Variants in TINAG observed in about 807,000 individuals in gnomAD.
The protein encoded by TINAG is tubulointerstitial nephritis antigen.
Under a neutral mutation model 72.7 loss-of-function variants are expected in TINAG, and 83 were observed. That is an observed-to-expected ratio of 1.14 (90% CI 0.96 to 1.37). The LOEUF is 1.37. TINAG is among the 40% of genes most tolerant of loss of function. The pLI, the probability that TINAG is intolerant of heterozygous loss-of-function variation, is 0.00. For synonymous variants in TINAG, 234 were observed against 189.9 expected (o/e 1.23, Z -1.91); for missense variants, 685 against 576.6 (o/e 1.19, Z -1.93).
chr6:54,371,733 A>G (rs1200307003), intron 9 of TINAG, among the ~76,000 whole-genome samples: 1 of 152,002 alleles, frequency 6.6e-6, no homozygotes, highest in Non-Finnish European at 1.5e-5. Flanking sequence ...TGTTTAAGAA[A>G]GACACATAAG....
At chr6:54,327,279 C>G (rs1167672210) in intron 4 of TINAG, 1 of 1,226,166 alleles carries the variant, frequency 8.2e-7, no homozygotes, top group Non-Finnish European at 1.1e-6. Context: ...ACTGGTTAGA[C>G]AGTGGGTGCA....
Position 54,343,304 on chromosome 6 carries a change from T to C in TINAG, c.703T>C (p.Leu235=). 2.5e-6 allele frequency: 4 copies of C among 1,570,362 alleles called. No homozygotes were observed. Among genetic ancestry groups the C allele is most frequent in the East Asian group, 2.3e-5 (1 of 43,226 alleles). The change falls in exon 5 of 11, where the codon TTG becomes CTG. Residue 235 remains leucine (L), a synonymous_variant. Coordinates refer to ENST00000259782, the MANE Select transcript of TINAG (RefSeq NM_014464.4). ...ATGGCCTGGATGGACTCATGGCCCATTGGATCAAAAAAATTGTGCTGCATC... is the reference window on the plus strand; with the variant it reads ...ATGGCCTGGATGGACTCATGGCCCACTGGATCAAAAAAATTGTGCTGCATC... ...YKWPGWTHGP[L]DQKNCAASWA... is the part of the protein sequence containing the mutation.
chr6:54,370,847 A>G lies in TINAG; in HGVS notation c.1251-9679A>G, dbSNP rs145452238. Among the ~76,000 whole-genome samples the G allele has an allele frequency of 4.4e-3, 671 of 152,164 alleles. 12 individuals carry two copies. The highest frequency in any genetic ancestry group is 0.03 in the Admixed American group (464 of 15,238). ...CAGTACTGAATCAACTTGACAGAAC[A>G]GTTTGTGTTCCATTTGTTTTGTCTT... On this transcript the variant is annotated intron_variant, in intron 9 of 10. Coordinates refer to ENST00000259782, the MANE Select transcript of TINAG (RefSeq NM_014464.4).
rs1253103054 is a variant in TINAG, at chr6:54,389,958, T to G, written c.*33T>G. 1 of 1,594,870 alleles carries G rather than the reference T, an allele frequency of 6.3e-7. No individual in the cohort carries two copies. Among genetic ancestry groups the G allele is most frequent in the South Asian group, 1.2e-5 (1 of 86,382 alleles). ...TTAAATTTCCATAAGGTCATGCCTT[T>G]AAGTAACCCCCTAAATTGAAGTTTA... On this transcript the variant is annotated 3_prime_UTR_variant, in exon 11 of 11. Coordinates refer to ENST00000259782, the MANE Select transcript of TINAG (RefSeq NM_014464.4).
intron 4 of TINAG, among the ~76,000 whole-genome samples, chr6:54,333,246 A>G (rs1289526083): frequency 2.6e-5 from 4 of 152,212 alleles, no homozygotes; most frequent in Non-Finnish European, 5.9e-5. Context: ...GGACTGGATA[A>G]AGAAAATGTG....
chr6:54,384,928 A>G (rs1764056690), intron 10 of TINAG, among the ~76,000 whole-genome samples: 1 of 152,176 alleles, frequency 6.6e-6, no homozygotes, highest in Non-Finnish European at 1.5e-5. Flanking sequence ...TATTGACCAC[A>G]TGCTGGTCCA....
chr6:54,333,994 A>C (rs1431727714), intron 4 of TINAG, among the ~76,000 whole-genome samples: 1 of 152,130 alleles, frequency 6.6e-6, no homozygotes, highest in Non-Finnish European at 1.5e-5. Context: ...TAGCATTCTT[A>C]TGCTTTGAAC....
At chr6:54,359,079 A>T (rs1423356532) in intron 9 of TINAG, among the ~76,000 whole-genome samples, 2 of 151,812 alleles carry the variant, frequency 1.3e-5, no homozygotes, top group African/African-American at 4.8e-5. Context: ...TGTGTTTTGA[A>T]ATTATGACCA....
intron 9 of TINAG, among the ~76,000 whole-genome samples, chr6:54,355,431 A>T (rs1174623848): frequency 6.6e-6 from 1 of 151,838 alleles, no homozygotes; most frequent in African/African-American, 2.4e-5. Context: ...CTACAATCAA[A>T]TTGTTGTCTT....
intron 9 of TINAG, among the ~76,000 whole-genome samples, chr6:54,358,415 C>G (rs1763123750): frequency 1.3e-5 from 2 of 151,584 alleles, no homozygotes; most frequent in South Asian, 4.1e-4. Flanking sequence ...CGGTACTGAT[C>G]CGTTGATCAG....
At chr6:54,325,197 A>C (rs1784576236) in intron 3 of TINAG, among the ~76,000 whole-genome samples, 1 of 152,234 alleles carries the variant, frequency 6.6e-6, no homozygotes, top group African/African-American at 2.4e-5. Context: ...GTTGTGTTTG[A>C]AGCTTTTGAT....
chr6:54,365,105 T>C (rs1274710997), intron 9 of TINAG, among the ~76,000 whole-genome samples: 1 of 151,546 alleles, frequency 6.6e-6, no homozygotes, highest in Non-Finnish European at 1.5e-5. Context: ...GAGCAGATGT[T>C]TTAATTAGAG....
intron 5 of TINAG, among the ~76,000 whole-genome samples, chr6:54,344,445 ATTTG>A (rs1785072797): frequency 6.6e-6 from 1 of 152,148 alleles, no homozygotes; most frequent in South Asian, 2.1e-4. Context: ...CTGAGCTAAA[ATTTG>A]TTTGTCTATT....
chr6:54,361,147 G>A (rs562622948), intron 9 of TINAG, among the ~76,000 whole-genome samples: 11 of 151,172 alleles, frequency 7.3e-5, no homozygotes, highest in South Asian at 4.2e-4. Flanking sequence ...TCAATGGGGC[G>A]TTCTCCCTTC....
At position 54,366,896 on chromosome 6, in the gene TINAG, C is replaced by A. The variant is rs545496320; in HGVS notation, c.1250+12260C>A. On this transcript the variant is annotated intron_variant, in intron 9 of 10. Transcript: ENST00000259782. ...ATAGAATATGACATATTAAAGGAAT[C>A]TGAAGGAACTTATGAGTAAGTGTAG... 4.0e-5 allele frequency: 6 copies of A among 151,632 alleles called. No individual in the cohort carries two copies. The South Asian group carries it at 1.2e-3, about 32-fold the overall frequency. The allele number at this position is 151,632 out of a possible 1,614,324, so 9.4% of individuals were successfully genotyped here. A position where few individuals can be genotyped will look rare whatever the true frequency, so the allele number is the denominator to read the frequency against.
At chr6:54,321,959 T>C (rs1362726830) in intron 3 of TINAG, among the ~76,000 whole-genome samples, 2 of 152,164 alleles carry the variant, frequency 1.3e-5, no homozygotes, top group Non-Finnish European at 2.9e-5. Context: ...GATGCTCTCA[T>C]GCAGATTGAA....
At chr6:54,368,433 A>C (rs1218540123) in intron 9 of TINAG, among the ~76,000 whole-genome samples, 2 of 149,940 alleles carry the variant, frequency 1.3e-5, no homozygotes, top group Non-Finnish European at 3.0e-5. Context: ...TGCCTGAAAG[A>C]TATTTGGGCA....
intron 9 of TINAG, among the ~76,000 whole-genome samples, chr6:54,360,214 T>G (rs561581376): frequency 4.0e-5 from 6 of 150,164 alleles, no homozygotes; most frequent in African/African-American, 1.5e-4. Flanking sequence ...CACATATATT[T>G]GCTCCTAGTA....
At chr6:54,324,010 G>A (rs975099838) in intron 3 of TINAG, among the ~76,000 whole-genome samples, 6 of 152,084 alleles carry the variant, frequency 3.9e-5, no homozygotes, top group Admixed American at 6.6e-5. Context: ...ATCTAGTTGA[G>A]GAGCCAACAC....
Sources: allele counts gnomAD v4.1 joint callset (sites outside exome capture counted in the v4.1 genomes callset), GRCh38; gene constraint gnomAD v4.1.1; transcripts MANE v1.5; gene names NCBI Gene and HGNC (gene_info 2026-07-23, HGNC 2026-07-21).